CHSY3: variants seen among roughly 807,000 people sequenced by gnomAD.
CHSY3 encodes N-acetylgalactosaminyl-proteoglycan 3-beta-glucuronosyltransferase 3.
Under a neutral mutation model 67.2 loss-of-function variants are expected in CHSY3, and 35 were observed. The ratio of observed to expected loss-of-function variants is 0.52; its 90% confidence interval spans 0.40 to 0.69. The LOEUF is 0.69. Ranked by LOEUF, CHSY3 falls within the 30% of genes least tolerant of loss-of-function variation. CHSY3 has a pLI of 0.00. For synonymous variants in CHSY3, 474 were observed against 434.7 expected, an observed-to-expected ratio of 1.09 and a Z score of -1.12; for missense variants, 1,069 against 1,138.5, an observed-to-expected ratio of 0.94 and a Z score of 0.88.
At chr5:129,964,383 A>C (rs1470373577) in intron 2 of CHSY3, among the ~76,000 whole-genome samples, 1 of 151,762 alleles carries the variant, frequency 6.6e-6, no homozygotes, top group African/African-American at 2.4e-5. Flanking sequence ...CTTGGGAGGG[A>C]GAGGATAGGA....
intron 2 of CHSY3, among the ~76,000 whole-genome samples, chr5:129,912,787 A>G (rs926538527): frequency 1.3e-5 from 2 of 152,144 alleles, no homozygotes; most frequent in African/African-American, 4.8e-5. Flanking sequence ...GGTGAGCCTT[A>G]TACAGACTGG....
chr5:130,058,504 G>A (rs998742563), intron 2 of CHSY3, among the ~76,000 whole-genome samples: 1 of 152,134 alleles, frequency 6.6e-6, no homozygotes, highest in Non-Finnish European at 1.5e-5. Context: ...GCATGTGCCT[G>A]TAATCCCAGC....
At chr5:129,933,812 A>G (rs1484916850) in intron 2 of CHSY3, among the ~76,000 whole-genome samples, 5 of 152,134 alleles carry the variant, frequency 3.3e-5, no homozygotes, top group Non-Finnish European at 7.4e-5. Flanking sequence ...TATTTCATAT[A>G]ATTCTAATTC....
chr5:130,173,240 AAGAG>A (rs1425869141), intron 2 of CHSY3, among the ~76,000 whole-genome samples: 1 of 152,106 alleles, frequency 6.6e-6, no homozygotes, highest in East Asian at 1.9e-4. Flanking sequence ...CAAAACAAAA[AAGAG>A]AGAGAGACAA....
chr5:130,128,294 A>G (rs1397084570), intron 2 of CHSY3, among the ~76,000 whole-genome samples: 6 of 151,694 alleles, frequency 4.0e-5, no homozygotes, highest in Non-Finnish European at 8.8e-5. Flanking sequence ...GCATATATAC[A>G]TGTTATGATG....
intron 2 of CHSY3, among the ~76,000 whole-genome samples, chr5:129,929,998 C>T (rs1354335778): frequency 6.6e-6 from 1 of 152,018 alleles, no homozygotes; most frequent in Non-Finnish European, 1.5e-5. Context: ...CAGAGTATAC[C>T]TGAATGAATG....
chr5:130,157,812 A>C (rs1769416659), intron 2 of CHSY3, among the ~76,000 whole-genome samples: 3 of 152,186 alleles, frequency 2.0e-5, no homozygotes, highest in African/African-American at 7.2e-5. Flanking sequence ...TTTCTTGACT[A>C]TATGCTAAAC....
intron 2 of CHSY3, among the ~76,000 whole-genome samples, chr5:130,122,170 TATACATAC>T (rs1768055593): frequency 6.6e-6 from 1 of 151,302 alleles, no homozygotes; most frequent in African/African-American, 2.5e-5. Context: ...TATATACATA[TATACATAC>T]ATACATGCAT....
At chr5:129,999,224 C>T (rs895843754) in intron 2 of CHSY3, among the ~76,000 whole-genome samples, 3 of 150,286 alleles carry the variant, frequency 2.0e-5, no homozygotes, top group Non-Finnish European at 4.4e-5. Context: ...TATCTTTATC[C>T]TATACATAAT....
intron 2 of CHSY3, among the ~76,000 whole-genome samples, chr5:130,050,101 C>T (rs1765288346): frequency 6.6e-6 from 1 of 152,092 alleles, no homozygotes; most frequent in Non-Finnish European, 1.5e-5. Flanking sequence ...TACTAAGCCA[C>T]TTACTGTTGT....
chr5:129,917,319 G>T (rs1386692916), intron 2 of CHSY3, among the ~76,000 whole-genome samples: 1 of 152,126 alleles, frequency 6.6e-6, no homozygotes, highest in Non-Finnish European at 1.5e-5. Flanking sequence ...ATAAAATGGT[G>T]TAGAACAATA....
chr5:130,161,898 G>T (rs2149728565), intron 2 of CHSY3, among the ~76,000 whole-genome samples: 1 of 152,086 alleles, frequency 6.6e-6, no homozygotes, highest in East Asian at 1.9e-4. Flanking sequence ...AAATTAGTCA[G>T]ATGTGGTGGT....
intron 2 of CHSY3, among the ~76,000 whole-genome samples, chr5:130,132,865 C>T (rs1324773100): frequency 6.6e-6 from 1 of 152,148 alleles, no homozygotes; most frequent in Non-Finnish European, 1.5e-5. Context: ...CCACCCCAAA[C>T]ATCAATAGTA....
chr5:130,035,984 G>T (rs1031705715), intron 2 of CHSY3, among the ~76,000 whole-genome samples: 1 of 138,186 alleles, frequency 7.2e-6, no homozygotes, highest in Non-Finnish European at 1.5e-5. Context: ...GTATTAAAAA[G>T]ATGTACATTC....
chr5:130,107,009 C>T (rs1767430775), intron 2 of CHSY3, among the ~76,000 whole-genome samples: 1 of 151,372 alleles, frequency 6.6e-6, no homozygotes, highest in Admixed American at 6.6e-5. Flanking sequence ...CTCATTTTGT[C>T]ACTGTAAGTC....
chr5:130,162,525 A>T (rs867240530), intron 2 of CHSY3, among the ~76,000 whole-genome samples: 1 of 151,914 alleles, frequency 6.6e-6, no homozygotes, highest in African/African-American at 2.4e-5. Context: ...CTAGATTCCT[A>T]TATTTATTTA....
chr5:129,919,741 C>A (rs1760855725), intron 2 of CHSY3, among the ~76,000 whole-genome samples: 1 of 152,132 alleles, frequency 6.6e-6, no homozygotes, highest in Non-Finnish European at 1.5e-5. Flanking sequence ...GGTGGGGACA[C>A]AGCCAAACCA....
intron 2 of CHSY3, among the ~76,000 whole-genome samples, chr5:130,093,483 T>C (rs1182533869): frequency 6.6e-6 from 1 of 152,144 alleles, no homozygotes. Context: ...CATAAGAAAA[T>C]ACACACAAAT....
Position 130,096,303 on chromosome 5 carries a change from C to A in CHSY3, c.1087-87926C>A, listed in dbSNP as rs115848846. Among the ~76,000 whole-genome samples, 1,467 of 152,308 alleles carry A rather than the reference C, an allele frequency of 9.6e-3. 22 individuals are homozygous for A. Among genetic ancestry groups the A allele is most frequent in the African/African-American group, 0.033 (1,391 of 41,560 alleles). On this transcript the variant is annotated intron_variant, in intron 2 of 2. Transcript: ENST00000305031. ...TTTTCTGCCTCAGTCTTCCGAGTAG[C>A]TGAGACTACAGGCGCATGCTACCAT...
Sources: allele counts gnomAD v4.1 joint callset (sites outside exome capture counted in the v4.1 genomes callset), GRCh38; gene constraint gnomAD v4.1.1; transcripts MANE v1.5; gene names NCBI Gene and HGNC (gene_info 2026-07-23, HGNC 2026-07-21).